The following ABCD3 variants were observed in gnomAD, a reference collection of about 807,000 sequenced individuals.
ABCD3 encodes the protein ATP binding cassette subfamily D member 3, also known as ATP-binding cassette sub-family D member 3.
Under a neutral mutation model 105.5 loss-of-function variants are expected in ABCD3, and 41 were observed. The observed-to-expected ratio is 0.39, with a 90% confidence interval of 0.30 to 0.50. The LOEUF (loss-of-function observed/expected upper bound fraction) is 0.50. ABCD3 is among the 20% of genes least tolerant of loss of function. ABCD3 has a pLI of 0.84. For missense variants in ABCD3, 622 were observed against 806.3 expected, an observed-to-expected ratio of 0.77 and a Z score of 2.77; for synonymous variants, 258 against 269.0, an observed-to-expected ratio of 0.96 and a Z score of 0.40.
intron 2 of ABCD3, among the ~76,000 whole-genome samples, chr1:94,462,840 G>T (rs1647945425): frequency 6.6e-6 from 1 of 152,142 alleles, no homozygotes; most frequent in Admixed American, 6.6e-5. Context: ...AGGGAGTGGT[G>T]ATGGCGATAG....
chr1:94,478,546 A>G (rs773858258), intron 8 of ABCD3: 6 of 1,598,588 alleles, frequency 3.8e-6, no homozygotes, highest in South Asian at 3.4e-5. Flanking sequence ...ATTTTGTGGC[A>G]TTAAAAACCA....
At chr1:94,385,781 A>T in the ABCD3 span, among the ~76,000 whole-genome samples, 5 of 152,234 alleles carry the variant, frequency 3.3e-5, no homozygotes, top group African/African-American at 1.2e-4. Flanking sequence ...AGAGATGTTT[A>T]TCTGTGTCAC....
chr1:94,406,578 T>C, the ABCD3 span: 1 of 330,810 alleles, frequency 3.0e-6, no homozygotes, highest in Non-Finnish European at 5.9e-6. Context: ...ATCTCAGCTC[T>C]TAGAGTATGT....
intron 13 of ABCD3, among the ~76,000 whole-genome samples, chr1:94,488,666 T>C (rs1352437605): frequency 6.6e-6 from 1 of 152,146 alleles, no homozygotes; most frequent in Non-Finnish European, 1.5e-5. Flanking sequence ...CTGTGGCAGT[T>C]ATGGTCTTCA....
In ABCD3 at chr1:94,475,147, C is replaced by G; in HGVS notation, c.410C>G (p.Ser137Cys). Reference sequence around the variant, plus strand: ...ATATTTGTTTGTTTGTTTTAGATCTCTCTGGTTAATAACTTCTTGAAGTAT... The same window carrying G: ...ATATTTGTTTGTTTGTTTTAGATCTGTCTGGTTAATAACTTCTTGAAGTAT... ...LNFIAAMPLI[S>C]LVNNFLKYGL... is the part of the protein sequence containing the mutation. The change falls in exon 6 of 23, where the codon TCT (serine) becomes TGT (cysteine). Residue 137 changes from serine (S) to cysteine (C), a missense_variant. By Grantham distance (112) the Ser-to-Cys change is moderately radical. Coordinates refer to ENST00000370214, the MANE Select transcript of ABCD3 (RefSeq NM_002858.4). 1 of 1,591,640 alleles carries G rather than the reference C, an allele frequency of 6.3e-7. No individual in the cohort carries two copies. Among genetic ancestry groups the G allele is most frequent in the Non-Finnish European group, 8.6e-7 (1 of 1,164,938 alleles).
chr1:94,412,727 G>A, the ABCD3 span, among the ~76,000 whole-genome samples: 1 of 152,132 alleles, frequency 6.6e-6, no homozygotes, highest in African/African-American at 2.4e-5. Flanking sequence ...TTATTTACCT[G>A]CCTCTCAGAA....
At chr1:94,489,091 T>C (rs1649408321) in intron 13 of ABCD3, among the ~76,000 whole-genome samples, 1 of 152,090 alleles carries the variant, frequency 6.6e-6, no homozygotes. Context: ...AAAAATCCTG[T>C]TTTCTTCTTC....
At chr1:94,500,801 G>A (rs950831411) in intron 20 of ABCD3, among the ~76,000 whole-genome samples, 2 of 152,016 alleles carry the variant, frequency 1.3e-5, no homozygotes, top group Admixed American at 1.3e-4. Context: ...GTGCTATAAC[G>A]TGAGATGAAT....
chr1:94,449,740 T>C (rs1183424004), intron 1 of ABCD3, among the ~76,000 whole-genome samples: 1 of 144,618 alleles, frequency 6.9e-6, no homozygotes, highest in Non-Finnish European at 1.6e-5. Flanking sequence ...GATGTTTAGC[T>C]TGAATTGCAT....
At chr1:94,490,289 A>G (rs148931170) in intron 15 of ABCD3, among the ~76,000 whole-genome samples, 1 of 152,134 alleles carries the variant, frequency 6.6e-6, no homozygotes, top group African/African-American at 2.4e-5. Context: ...AATTTCAGGT[A>G]TACAATATAG....
intron 1 of ABCD3, among the ~76,000 whole-genome samples, chr1:94,428,586 G>C (rs1659557864): frequency 6.6e-6 from 1 of 152,094 alleles, no homozygotes; most frequent in Non-Finnish European, 1.5e-5. Context: ...TGAATCATGG[G>C]GGCAGGTCTT....
At chr1:94,509,352 G>A (rs1204376589) in intron 21 of ABCD3, among the ~76,000 whole-genome samples, 1 of 152,170 alleles carries the variant, frequency 6.6e-6, no homozygotes, top group Non-Finnish European at 1.5e-5. Context: ...TGATCATGGT[G>A]GATAAGCTTT....
At chr1:94,408,101 A>T in the ABCD3 span, among the ~76,000 whole-genome samples, 4 of 152,234 alleles carry the variant, frequency 2.6e-5, no homozygotes, top group Admixed American at 1.3e-4. Flanking sequence ...ATTCTCTAAG[A>T]GATGCAGAAG....
At chr1:94,458,907 T>C (rs1233735260) in intron 2 of ABCD3, among the ~76,000 whole-genome samples, 1 of 150,936 alleles carries the variant, frequency 6.6e-6, no homozygotes, top group Non-Finnish European at 1.5e-5. Context: ...GTGACTCTGT[T>C]ATATCTTTTG....
At chr1:94,487,369 G>A (rs1649324254) in intron 10 of ABCD3, among the ~76,000 whole-genome samples, 173 bp from the exon 11 acceptor site, 2 of 152,180 alleles carry the variant, frequency 1.3e-5, no homozygotes, top group African/African-American at 4.8e-5. Flanking sequence ...GCTCTGTGAA[G>A]AGCATTGTCC....
At position 94,437,128 on chromosome 1, in the gene ABCD3, T is replaced by TCC. The variant is rs565912076; in HGVS notation, c.110+18540_110+18541insCC. ...TGAAATTGCGAGGTGAAACAGCAAGTACTGATGTGGAAGCTACAGCAAGTT... is the reference window on the plus strand; with the variant it reads ...TGAAATTGCGAGGTGAAACAGCAAGTCCACTGATGTGGAAGCTACAGCAAGTT... On this transcript the variant is annotated intron_variant, in intron 1 of 22. Coordinates refer to ENST00000370214, the MANE Select transcript of ABCD3 (RefSeq NM_002858.4). 3.7e-3 allele frequency among the ~76,000 whole-genome samples: 559 copies of TCC among 152,352 alleles called. 1 individual carries two copies. The highest frequency in any genetic ancestry group is 0.013 in the African/African-American group (532 of 41,594).
At chr1:94,480,627 G>A in intron 9 of ABCD3, 21 bp downstream of exon 9, 1 of 1,612,968 alleles carries the variant, frequency 6.2e-7, no homozygotes, top group Non-Finnish European at 8.5e-7. Context: ...ATGCATTAAA[G>A]CCTTGCTAAA....
At chr1:94,506,732 C>T in intron 21 of ABCD3, 90 bp downstream of exon 21, 1 of 869,430 alleles carries the variant, frequency 1.2e-6, no homozygotes, top group Non-Finnish European at 1.9e-6. Flanking sequence ...GATTCCAGGT[C>T]ACTAAGTAAC....
chr1:94,498,422 C>T (rs1426245913), intron 16 of ABCD3, among the ~76,000 whole-genome samples, 180 bp from the exon 17 acceptor site: 1 of 151,914 alleles, frequency 6.6e-6, no homozygotes, highest in African/African-American at 2.4e-5. Flanking sequence ...TGGAAGTAAA[C>T]AAAGTAAAAG....
Sources: allele counts gnomAD v4.1 joint callset (sites outside exome capture counted in the v4.1 genomes callset), GRCh38; gene constraint gnomAD v4.1.1; transcripts MANE v1.5; gene names NCBI Gene and HGNC (gene_info 2026-07-23, HGNC 2026-07-21).